RSBN1: variants seen among roughly 807,000 people sequenced by gnomAD.
RSBN1 encodes lysine-specific demethylase 9.
RSBN1 carries 23 observed loss-of-function variants against 74.8 expected under a neutral mutation model. The observed-to-expected ratio is 0.31, with a 90% CI of 0.22 to 0.44. The LOEUF (loss-of-function observed/expected upper bound fraction) is 0.44. Among genes scored for constraint, RSBN1 ranks in the 20% least tolerant of loss-of-function variants. The pLI is 1.00. For missense variants in RSBN1, 808 were observed against 1,020.9 expected (o/e 0.79, Z 2.84); for synonymous variants, 407 against 379.6 (o/e 1.07, Z -0.84).
intron 5 of RSBN1, among the ~76,000 whole-genome samples, chr1:113,767,561 G>A (rs1253197573): frequency 6.6e-6 from 1 of 152,108 alleles, no homozygotes; most frequent in Non-Finnish European, 1.5e-5. Context: ...ACAACAGTCT[G>A]GTAGTTTCTC....
chr1:113,791,950 C>T (rs1660375027), intron 2 of RSBN1, among the ~76,000 whole-genome samples: 1 of 152,064 alleles, frequency 6.6e-6, no homozygotes, highest in Admixed American at 6.5e-5. Context: ...ATAACAAGCC[C>T]ATATAAGGCC....
At chr1:113,800,373 A>G (rs1445581046) in intron 1 of RSBN1, among the ~76,000 whole-genome samples, 1 of 152,132 alleles carries the variant, frequency 6.6e-6, no homozygotes, top group East Asian at 1.9e-4. Context: ...ACTTAGTAAT[A>G]GTCATTTATT....
At chr1:113,767,644 G>A (rs1659805738) in intron 5 of RSBN1, among the ~76,000 whole-genome samples, 1 of 152,148 alleles carries the variant, frequency 6.6e-6, no homozygotes, top group Non-Finnish European at 1.5e-5. Context: ...ATAATTGAAT[G>A]CAGGGACATG....
chr1:113,793,688 T>TC (rs1171428786), intron 2 of RSBN1, among the ~76,000 whole-genome samples: 3 of 152,034 alleles, frequency 2.0e-5, no homozygotes, highest in Admixed American at 2.0e-4. Flanking sequence ...TTTTTTTTTT[T>TC]TTCTTTTTTT....
Position 113,812,305 on chromosome 1 carries a change from C to A in RSBN1, c.108G>T (p.Gly36=), listed in dbSNP as rs1558007964. The A allele has an allele frequency of 1.9e-6, 3 of 1,604,280 alleles. No homozygotes were observed. The highest frequency in any genetic ancestry group is 1.1e-5 in the South Asian group (1 of 91,070). Residue 36 remains glycine, a synonymous_variant, in exon 1 of 7, where the codon GGG becomes GGT. Transcript: ENST00000261441. ...RAALARCADG[G]AVGPFKCVFV... ...ACACACATTTAAATGGCCCGACCGC[C>A]CCCCCGTCCGCGCATCGCGCAAGCG...
chr1:113,788,250 CAATT>C (rs1660298563), intron 2 of RSBN1, among the ~76,000 whole-genome samples: 1 of 151,490 alleles, frequency 6.6e-6, no homozygotes. Flanking sequence ...GCCTAATATA[CAATT>C]AATAAAAGTT....
In RSBN1 at chr1:113,765,044, A is replaced by C. The variant is rs554082491; in HGVS notation, c.*936T>G. On this transcript the variant is annotated 3_prime_UTR_variant, in exon 7 of 7. Coordinates refer to ENST00000261441, the MANE Select transcript of RSBN1 (RefSeq NM_018364.5). Reference sequence around the variant, plus strand: ...GTCTCAGTAGTAGATATTTATCATGAAGAGGTTGATGCCAAGTGACAAGAA... The same window carrying C: ...GTCTCAGTAGTAGATATTTATCATGCAGAGGTTGATGCCAAGTGACAAGAA... 1 of 152,442 alleles carries C rather than the reference A, an allele frequency of 6.6e-6. No individual in the cohort carries two copies. The highest frequency in any genetic ancestry group is 6.5e-5 in the Admixed American group (1 of 15,286). The allele number at this position is 152,442 out of a possible 1,614,324, so 9.4% of individuals were successfully genotyped here.
At chr1:113,805,812 T>A (rs1476644889) in intron 1 of RSBN1, among the ~76,000 whole-genome samples, 1 of 152,220 alleles carries the variant, frequency 6.6e-6, no homozygotes, top group African/African-American at 2.4e-5. Flanking sequence ...GGAAGGAACA[T>A]GTCTCTTAAG....
intron 2 of RSBN1, among the ~76,000 whole-genome samples, chr1:113,785,877 G>C (rs1467001622): frequency 1.3e-5 from 2 of 152,332 alleles, no homozygotes; most frequent in East Asian, 3.9e-4. Flanking sequence ...ATCAGCTGTA[G>C]CTGGATTATG....
chr1:113,797,284 G>T, intron 2 of RSBN1, 79 bp downstream of exon 2: 1 of 1,108,050 alleles, frequency 9.0e-7, no homozygotes, highest in Non-Finnish European at 1.3e-6. Context: ...AAATGTGCTG[G>T]TATGTGCTGT....
chr1:113,786,809 A>T (rs1374854333), intron 2 of RSBN1, among the ~76,000 whole-genome samples: 1 of 151,998 alleles, frequency 6.6e-6, no homozygotes, highest in Non-Finnish European at 1.5e-5. Context: ...TATCTCTACT[A>T]AAAAAATACA....
chr1:113,802,537 C>T (rs1003233803), intron 1 of RSBN1, among the ~76,000 whole-genome samples: 2 of 152,116 alleles, frequency 1.3e-5, no homozygotes, highest in Non-Finnish European at 2.9e-5. Context: ...GAAAGCCAAA[C>T]ATTTGTGAAT....
Position 113,766,428 on chromosome 1 carries a change from T to C in RSBN1, c.1961A>G (p.Lys654Arg). The change falls in exon 7 of 7, where the codon AAA becomes AGA. Residue 654 changes from lysine to arginine, a missense_variant. By Grantham distance (26) the Lys-to-Arg change is conservative. Transcript: ENST00000261441. ...GCCTTCCCGCCTCATTTGGTTTAGT[T>C]TAGCTTCATCTACCCACTGTACGCA... The part of the protein sequence containing the change: ...SQCVQWVDEA[K>R]LNQMRREGIR... The C allele has an allele frequency of 6.2e-7, 1 of 1,613,352 alleles. No individual in the cohort carries two copies. The highest frequency in any genetic ancestry group is 1.7e-5 in the Admixed American group (1 of 60,006).
rs371362075 is a variant in RSBN1 at position 113,786,568 on chromosome 1, G to A, written c.1378-8760C>T. 2.0e-5 allele frequency among the ~76,000 whole-genome samples: 3 copies of A among 152,274 alleles called. No individual in the cohort carries two copies. The East Asian group carries it at 5.8e-4, about 29-fold the overall frequency. ...ATATACTTTGAAGATGGAGGAAGGG[G>A]CCACAAGCTAGGAAATGTAAGACAC... On this transcript the variant is annotated intron_variant, in intron 2 of 6. Transcript: ENST00000261441.
At chr1:113,799,565 TACACACACACACACACACACACACACAC>T (rs66958734) in intron 1 of RSBN1, among the ~76,000 whole-genome samples, 7 of 142,090 alleles carry the variant, frequency 4.9e-5, no homozygotes, top group African/African-American at 1.8e-4. Flanking sequence ...ATAGATGCTT[TACACACACACACACACACACACACACAC>T]ACACACACAC....
In RSBN1 at chr1:113,812,348, G is replaced by C; in HGVS notation, c.65C>G (p.Ala22Gly). ...CGCAAGCGCCGCCCGCGCACTGCCC[G>C]CTGGGCATTGGAGTCTCTCCTCCGC... ...WRAEERLQCP[A>G]GSARAALARC... Residue 22 changes from alanine (A) to glycine (G), a missense_variant, in exon 1 of 7, where the codon GCG becomes GGG. Ala to Gly is a moderately conservative substitution (Grantham distance 60). Coordinates refer to ENST00000261441, the MANE Select transcript of RSBN1 (RefSeq NM_018364.5). 6.2e-7 allele frequency: 1 copy of C among 1,603,428 alleles called. No individual in the cohort carries two copies. Among genetic ancestry groups the C allele is most frequent in the Non-Finnish European group, 8.5e-7 (1 of 1,179,496 alleles).
intron 4 of RSBN1, among the ~76,000 whole-genome samples, chr1:113,768,909 C>T (rs1659834484): frequency 1.3e-5 from 2 of 150,632 alleles, no homozygotes; most frequent in Admixed American, 1.3e-4. Context: ...AGTGGGAAAA[C>T]CTTTTTGTGA....
At chr1:113,770,092 T>C (rs1295291512) in intron 4 of RSBN1, among the ~76,000 whole-genome samples, 1 of 152,176 alleles carries the variant, frequency 6.6e-6, no homozygotes, top group African/African-American at 2.4e-5. Flanking sequence ...GGTAAGCTCA[T>C]TTCCCCTGAC....
At chr1:113,777,460 A>G (rs1660054446) in intron 3 of RSBN1, 108 bp from the exon 4 acceptor site, 2 of 1,087,878 alleles carry the variant, frequency 1.8e-6, no homozygotes, top group Middle Eastern at 3.0e-4. Flanking sequence ...AACTGTATAT[A>G]AAGAAATAAA....
Sources: gnomAD v4.1 joint callset for allele counts (sites outside exome capture counted in the v4.1 genomes callset) on GRCh38, gnomAD v4.1.1 for gene constraint, MANE v1.5 for transcripts, NCBI Gene and HGNC (gene_info 2026-07-23, HGNC 2026-07-21) for gene names.